The following PARD3 variants were observed in gnomAD, a reference collection of about 807,000 sequenced individuals.
The protein encoded by PARD3 is partitioning defective 3 homolog.
In PARD3, 75 loss-of-function variants were observed where a neutral mutation model predicts 155.4. The ratio of observed to expected loss-of-function variants is 0.48; its 90% confidence interval spans 0.40 to 0.58. The LOEUF (loss-of-function observed/expected upper bound fraction) is 0.58, where lower values mean the gene tolerates loss of function less well. Among genes scored for constraint, PARD3 ranks in the 20% least tolerant of loss-of-function variants. The pLI is 0.00. For missense variants in PARD3, 1,642 were observed against 1,721.7 expected (o/e 0.95, Z 0.82); for synonymous variants, 576 against 610.5 (o/e 0.94, Z 0.83).
At chr10:34,716,166 A>G (rs2094516543) in intron 1 of PARD3, among the ~76,000 whole-genome samples, 1 of 152,230 alleles carries the variant, frequency 6.6e-6, no homozygotes, top group African/African-American at 2.4e-5. Flanking sequence ...CTCTGTTCCT[A>G]TATTCCCTTA....
intron 5 of PARD3, among the ~76,000 whole-genome samples, chr10:34,445,535 C>A (rs191794693): frequency 1.6e-4 from 24 of 152,244 alleles, no homozygotes; most frequent in Admixed American, 1.6e-3. Context: ...TCCACATAGA[C>A]AACTAACTCA....
intron 2 of PARD3, among the ~76,000 whole-genome samples, chr10:34,610,545 T>C (rs895728867): frequency 1.3e-5 from 2 of 151,948 alleles, no homozygotes; most frequent in African/African-American, 4.8e-5. Flanking sequence ...GAAGGAAAAA[T>C]AAGCATGCCT....
chr10:34,257,725 TAAAC>T (rs1335101271), intron 22 of PARD3, among the ~76,000 whole-genome samples: 3 of 152,204 alleles, frequency 2.0e-5, no homozygotes. Context: ...AATACATAAA[TAAAC>T]AACCCCCATT....
At chr10:34,504,788 C>T (rs1292624023) in intron 3 of PARD3, among the ~76,000 whole-genome samples, 1 of 152,098 alleles carries the variant, frequency 6.6e-6, no homozygotes, top group Non-Finnish European at 1.5e-5. Context: ...GGTAGAGGAG[C>T]CAGGCAGGAG....
chr10:34,375,095 C>CACAT, intron 10 of PARD3, 93 bp from the exon 11 acceptor site: 1 of 900,602 alleles, frequency 1.1e-6, no homozygotes, highest in Non-Finnish European at 1.7e-6. Context: ...CACACACACA[C>CACAT]TCTAGGACTA....
intron 1 of PARD3, among the ~76,000 whole-genome samples, chr10:34,702,189 T>G (rs900222343): frequency 1.4e-5 from 2 of 146,060 alleles, no homozygotes; most frequent in African/African-American, 5.3e-5. Context: ...TAAAACAATT[T>G]TAATATTAAA....
intron 20 of PARD3, among the ~76,000 whole-genome samples, chr10:34,302,759 A>T (rs750730897): frequency 6.6e-6 from 1 of 152,196 alleles, no homozygotes; most frequent in Non-Finnish European, 1.5e-5. Context: ...AGTTCAGAGA[A>T]AGAAGTCAAA....
rs1278774269 is a variant in PARD3, at chr10:34,347,038, TA to T, written c.2218+926del. Among the ~76,000 whole-genome samples the T allele has an allele frequency of 2.6e-5, 4 of 152,230 alleles. No individual in the cohort carries two copies. The East Asian group carries it at 7.7e-4, about 29-fold the overall frequency. ...CTTTCCATAAACACCCACTGATGAA[TA>T]AATTACTGTTTCAATGAGGCTCCAT... On this transcript the variant is annotated intron_variant, in intron 15 of 24. Transcript: ENST00000374788.
At chr10:34,227,177 C>T (rs1240872753) in intron 22 of PARD3, among the ~76,000 whole-genome samples, 1 of 152,146 alleles carries the variant, frequency 6.6e-6, no homozygotes, top group Non-Finnish European at 1.5e-5. Flanking sequence ...CAAAAACAAA[C>T]AGCTCCATTA....
chr10:34,622,827 CT>C (rs567045063), intron 2 of PARD3, among the ~76,000 whole-genome samples: 2,785 of 113,448 alleles, frequency 0.025, 58 homozygotes, highest in African/African-American at 0.057. Flanking sequence ...TTCTTTTTTT[CT>C]TTTTTTTTTT....
intron 22 of PARD3, 103 bp from the exon 23 acceptor site, chr10:34,131,686 A>T: frequency 1.0e-6 from 1 of 981,518 alleles, no homozygotes; most frequent in South Asian, 1.5e-5. Context: ...GACGCCATTT[A>T]AGAGAAAGTG....
chr10:34,793,540 A>G (rs1417811131), intron 1 of PARD3, among the ~76,000 whole-genome samples: 4 of 152,220 alleles, frequency 2.6e-5, no homozygotes, highest in Non-Finnish European at 5.9e-5. Context: ...TAATCCCGGC[A>G]CTTTGGGAGG....
intron 2 of PARD3, among the ~76,000 whole-genome samples, chr10:34,558,346 T>A (rs2085182669): frequency 6.6e-6 from 1 of 152,214 alleles, no homozygotes; most frequent in Non-Finnish European, 1.5e-5. Flanking sequence ...GTATTAGTCA[T>A]ATGGGATTAT....
chr10:34,366,912 C>G (rs1367144448), intron 12 of PARD3, among the ~76,000 whole-genome samples: 1 of 152,212 alleles, frequency 6.6e-6, no homozygotes, highest in African/African-American at 2.4e-5. Flanking sequence ...TTATAAAGTT[C>G]ATTATTCTTA....
At chr10:34,690,401 T>A (rs770033933) in intron 2 of PARD3, among the ~76,000 whole-genome samples, 4 of 152,182 alleles carry the variant, frequency 2.6e-5, no homozygotes, top group Non-Finnish European at 5.9e-5. Flanking sequence ...ATCTACATCA[T>A]GATGTTCTAC....
intron 1 of PARD3, among the ~76,000 whole-genome samples, chr10:34,731,086 C>A (rs1363003893): frequency 6.6e-6 from 1 of 151,202 alleles, no homozygotes; most frequent in Non-Finnish European, 1.5e-5. Flanking sequence ...ATTAAGTCAT[C>A]ATTATAATCA....
At chr10:34,492,143 A>T (rs1387068898) in intron 3 of PARD3, among the ~76,000 whole-genome samples, 1 of 152,312 alleles carries the variant, frequency 6.6e-6, no homozygotes, top group South Asian at 2.1e-4. Flanking sequence ...GATTTTACAA[A>T]ATGTATCTAC....
At chr10:34,754,197 G>T (rs1369693719) in intron 1 of PARD3, among the ~76,000 whole-genome samples, 1 of 152,088 alleles carries the variant, frequency 6.6e-6, no homozygotes, top group Non-Finnish European at 1.5e-5. Context: ...GTAGAGATGG[G>T]ATCTTGCTAT....
chr10:34,741,000 T>C (rs986795273), intron 1 of PARD3, among the ~76,000 whole-genome samples: 7 of 152,086 alleles, frequency 4.6e-5, no homozygotes, highest in African/African-American at 1.4e-4. Context: ...TTTGTTTACA[T>C]AAGACTTTTT....
Sources: gnomAD v4.1 joint callset for allele counts (sites outside exome capture counted in the v4.1 genomes callset) on GRCh38, gnomAD v4.1.1 for gene constraint, MANE v1.5 for transcripts, NCBI Gene and HGNC (gene_info 2026-07-23, HGNC 2026-07-21) for gene names.